Variants in POLK observed in about 807,000 individuals in gnomAD.
POLK encodes polymerase (DNA directed) kappa.
In POLK, 76 loss-of-function variants were observed where a neutral mutation model predicts 94.0. The observed-to-expected ratio is 0.81, with a 90% CI of 0.67 to 0.98. The LOEUF (loss-of-function observed/expected upper bound fraction) is 0.98, where lower values mean the gene tolerates loss of function less well. POLK is among the 50% of genes least tolerant of loss of function. POLK has a pLI of 0.00. For synonymous variants in POLK, 349 were observed against 325.4 expected (o/e 1.07, Z -0.78); for missense variants, 954 against 1,010.1 (o/e 0.94, Z 0.75).
chr5:75,546,833 T>C (rs1221512959), intron 1 of POLK, among the ~76,000 whole-genome samples, 177 bp from the exon 2 acceptor site: 2 of 152,002 alleles, frequency 1.3e-5, no homozygotes, highest in Admixed American at 6.6e-5. Flanking sequence ...GCCTGGCTAA[T>C]TTTTTTGTAT....
intron 7 of POLK, 76 bp downstream of exon 7, chr5:75,581,524 T>G: frequency 8.1e-7 from 1 of 1,237,532 alleles, no homozygotes; most frequent in Non-Finnish European, 1.2e-6. Flanking sequence ...ATTAGTAGTT[T>G]CTCATTATAA....
At chr5:75,511,104 T>C, upstream of POLK, 3 of 1,549,274 alleles carry the variant, frequency 1.9e-6, no homozygotes, top group South Asian at 3.7e-5. Context: ...GCACCAGGGG[T>C]TGCTCACCTT....
intron 1 of POLK, among the ~76,000 whole-genome samples, chr5:75,530,396 CTTTTTTTTTTTT>C (rs201266079): frequency 4.9e-5 from 3 of 61,618 alleles, no homozygotes; most frequent in South Asian, 9.2e-4. Context: ...TTCCCTTTTT[CTTTTTTTTTTTT>C]TTTTTTTTTT....
At chr5:75,560,364 T>C (rs143305983) in intron 3 of POLK, among the ~76,000 whole-genome samples, 2 of 152,318 alleles carry the variant, frequency 1.3e-5, no homozygotes, top group East Asian at 1.9e-4. Flanking sequence ...CTCTTTTAAT[T>C]CTTTCAATAA....
Position 75,579,957 on chromosome 5 carries a change from G to A in POLK, c.695-1252G>A, listed in dbSNP as rs1353619803. 1.6e-4 allele frequency among the ~76,000 whole-genome samples: 24 copies of A among 146,544 alleles called. 1 individual carries two copies. In the East Asian group the frequency reaches 4.5e-3, roughly 27 times the overall value. On this transcript the variant is annotated intron_variant, in intron 6 of 14. Coordinates refer to ENST00000241436, the Ensembl canonical transcript of POLK. ...TAGCTATACTCCAGCCTGGGCAAGA[G>A]GGAGACCCTGTCTTAAAAAAAAAAA...
In POLK at chr5:75,569,325, T is replaced by C. The variant is rs750145522; in HGVS notation, c.256-15T>C. ...ATGTTGTCTAAAAGTATGTTAACTT[T>C]TTTAAAAAATTAAGGTTGACAGATT... is the stretch of plus-strand genomic sequence containing the variant. On this transcript the variant is annotated splice_polypyrimidine_tract_variant and intron_variant, in intron 3 of 14. Coordinates refer to ENST00000241436, the Ensembl canonical transcript of POLK. 6.9e-6 allele frequency: 11 copies of C among 1,587,278 alleles called. No homozygotes were observed. The highest frequency in any genetic ancestry group is 9.5e-6 in the Non-Finnish European group (11 of 1,163,138).
exon 10 of POLK, chr5:75,587,026 G>C (rs1291485938): frequency 2.6e-6 from 4 of 1,553,572 alleles, no homozygotes; most frequent in Non-Finnish European, 3.5e-6. Context: ...TCATTTCAAG[G>C]GATGGAGAGA....
chr5:75,595,160 G>A (rs1172757302), intron 12 of POLK, among the ~76,000 whole-genome samples: 4 of 146,698 alleles, frequency 2.7e-5, no homozygotes, highest in Admixed American at 1.4e-4. Flanking sequence ...GCTGAGGCAG[G>A]AGAATCGCTT....
the POLK span, among the ~76,000 whole-genome samples, chr5:75,607,095 A>C: frequency 6.6e-6 from 1 of 152,160 alleles, no homozygotes; most frequent in African/African-American, 2.4e-5. Flanking sequence ...GATGACTACA[A>C]TGTATCTCCC....
chr5:75,532,543 A>G (rs1266740294), intron 1 of POLK, among the ~76,000 whole-genome samples: 1 of 152,184 alleles, frequency 6.6e-6, no homozygotes, highest in Non-Finnish European at 1.5e-5. Flanking sequence ...GCTGCAATGA[A>G]CAAGCACATG....
intron 1 of POLK, among the ~76,000 whole-genome samples, chr5:75,519,531 C>G (rs1312392684): frequency 6.6e-6 from 1 of 152,176 alleles, no homozygotes; most frequent in African/African-American, 2.4e-5. Flanking sequence ...TTATGTCTAT[C>G]AATATTTGCT....
chr5:75,532,242 C>T (rs1209327160), intron 1 of POLK, among the ~76,000 whole-genome samples: 2 of 152,130 alleles, frequency 1.3e-5, no homozygotes, highest in African/African-American at 4.8e-5. Flanking sequence ...CTCCTCCCAC[C>T]CTCCACCCTC....
At chr5:75,561,343 T>C (rs556780628) in intron 3 of POLK, among the ~76,000 whole-genome samples, 1 of 152,346 alleles carries the variant, frequency 6.6e-6, no homozygotes, top group Admixed American at 6.5e-5. Context: ...GCCTGCTTTT[T>C]GATGGGGTTG....
exon 15 of POLK, chr5:75,598,913 A>G (rs1318594973): frequency 1.3e-5 from 2 of 152,118 alleles, no homozygotes; most frequent in Non-Finnish European, 2.9e-5. Flanking sequence ...AGTTTCTCCA[A>G]GTACTTTTGT....
At chr5:75,530,981 ATT>A (rs1400690134) in intron 1 of POLK, among the ~76,000 whole-genome samples, 1 of 150,344 alleles carries the variant, frequency 6.7e-6, no homozygotes, top group Admixed American at 6.6e-5. Flanking sequence ...AATTTTTTGT[ATT>A]TTTTTAGTAG....
chr5:75,573,861 AGTAAAGAG>A lies in POLK; in HGVS notation c.537_540+4del. 6.2e-7 allele frequency: 1 copy of A among 1,613,288 alleles called. No homozygotes were observed. Among genetic ancestry groups the A allele is most frequent in the East Asian group, 2.2e-5 (1 of 44,848 alleles). On this transcript the variant is annotated frameshift_variant and splice_region_variant, in exon 5 of 15. Coordinates refer to ENST00000241436, the Ensembl canonical transcript of POLK. LOFTEE classifies it high-confidence loss of function. Reference sequence around the variant, plus strand: ...CAACTTTGACAAATACCGAGCTGTGAGTAAAGAGGTAAGTTAATGTCTCACCCCTACTT... The same window carrying A: ...CAACTTTGACAAATACCGAGCTGTGAGTAAGTTAATGTCTCACCCCTACTT...
chr5:75,586,320 T>A (rs1561401638), intron 9 of POLK, among the ~76,000 whole-genome samples: 1 of 152,204 alleles, frequency 6.6e-6, no homozygotes, highest in African/African-American at 2.4e-5. Context: ...CTATATTTGT[T>A]ATCTGTCTTT....
intron 1 of POLK, among the ~76,000 whole-genome samples, chr5:75,530,878 G>A (rs891762843): frequency 2.8e-4 from 41 of 147,674 alleles, no homozygotes; most frequent in African/African-American, 9.0e-4. Context: ...CGCGATGTCC[G>A]CTTGCTGCAA....
At chr5:75,515,676 C>A (rs377145881) in intron 1 of POLK, among the ~76,000 whole-genome samples, 1 of 152,184 alleles carries the variant, frequency 6.6e-6, no homozygotes, top group Non-Finnish European at 1.5e-5. Flanking sequence ...TTCTGAGGAA[C>A]CTCCATACTG....
Sources: allele counts gnomAD v4.1 joint callset (sites outside exome capture counted in the v4.1 genomes callset), GRCh38; gene constraint gnomAD v4.1.1; transcripts MANE v1.5; gene names NCBI Gene and HGNC (gene_info 2026-07-23, HGNC 2026-07-21).